The following C6orf89 variants were observed in gnomAD, a reference collection of about 807,000 sequenced individuals.
C6orf89 encodes the protein bombesin receptor-activated protein C6orf89.
A neutral mutation model predicts 40.7 loss-of-function variants in C6orf89; 29 were observed. The ratio of observed to expected loss-of-function variants is 0.71; its 90% confidence interval spans 0.53 to 0.97. C6orf89 has a LOEUF of 0.97. Ranked by LOEUF, C6orf89 falls within the 50% of genes least tolerant of loss-of-function variation. The probability of loss-of-function intolerance (pLI) is 0.00; values close to 1 mark genes in which losing one functional copy is unlikely to be tolerated. For synonymous variants in C6orf89, 165 were observed against 152.2 expected, an observed-to-expected ratio of 1.08 and a Z score of -0.62; for missense variants, 392 against 429.1, an observed-to-expected ratio of 0.91 and a Z score of 0.76.
At chr6:36,874,156 T>C (rs1774582309) in intron 1 of C6orf89, among the ~76,000 whole-genome samples, 1 of 152,208 alleles carries the variant, frequency 6.6e-6, no homozygotes, top group Non-Finnish European at 1.5e-5. Flanking sequence ...AGTTAAATAA[T>C]ACCTTCATGA....
chr6:36,919,464 C>A, intron 7 of C6orf89, 114 bp from the exon 8 acceptor site: 1 of 1,288,800 alleles, frequency 7.8e-7, no homozygotes, highest in Non-Finnish European at 1.1e-6. Flanking sequence ...TTCCTCTTTG[C>A]TTATGCTAGG....
At chr6:36,891,510 A>G (rs1437279967) in intron 1 of C6orf89, among the ~76,000 whole-genome samples, 2 of 152,232 alleles carry the variant, frequency 1.3e-5, no homozygotes, top group Non-Finnish European at 2.9e-5. Flanking sequence ...GTATATACCC[A>G]GTAATGGGAT....
At chr6:36,889,548 T>C (rs772508734) in intron 1 of C6orf89, among the ~76,000 whole-genome samples, 8 of 148,076 alleles carry the variant, frequency 5.4e-5, no homozygotes, top group Non-Finnish European at 8.9e-5. Context: ...CTTCTTCAAG[T>C]ATGTCAATGT....
chr6:36,874,871 C>T, intron 1 of C6orf89: 1 of 1,354,672 alleles, frequency 7.4e-7, no homozygotes, highest in African/African-American at 1.4e-5. Context: ...CCGTTCAACC[C>T]TTTCGATACC....
At chr6:36,901,329 T>TC in intron 3 of C6orf89, among the ~76,000 whole-genome samples, 1 of 45,508 alleles carries the variant, frequency 2.2e-5, no homozygotes, top group East Asian at 7.9e-4. Flanking sequence ...TTATTTTTTT[T>TC]TTTTTTTTTT....
upstream of C6orf89, among the ~76,000 whole-genome samples, chr6:36,882,685 T>C (rs550241384): frequency 6.6e-6 from 1 of 151,902 alleles, no homozygotes; most frequent in Non-Finnish European, 1.5e-5. Flanking sequence ...TAAACATTTA[T>C]AAAGAGATTT....
intron 2 of C6orf89, among the ~76,000 whole-genome samples, chr6:36,879,816 A>G (rs1774756286): frequency 6.6e-6 from 1 of 152,140 alleles, no homozygotes; most frequent in Admixed American, 6.5e-5. Context: ...ACGTGGCAGT[A>G]CTTTCTCTTG....
intron 8 of C6orf89, among the ~76,000 whole-genome samples, chr6:36,921,145 C>T (rs1762496422): frequency 6.6e-6 from 1 of 151,854 alleles, no homozygotes; most frequent in South Asian, 2.1e-4. Context: ...CTATAAAAGG[C>T]CAGTCACATG....
intron 3 of C6orf89, among the ~76,000 whole-genome samples, 189 bp from the exon 4 acceptor site, chr6:36,902,032 C>T (rs1431353514): frequency 6.6e-6 from 1 of 152,168 alleles, no homozygotes; most frequent in South Asian, 2.1e-4. Flanking sequence ...CTTGGTGAGC[C>T]TTGCAGTCCC....
chr6:36,876,323 G>A (rs1774650377), intron 1 of C6orf89, among the ~76,000 whole-genome samples: 1 of 152,190 alleles, frequency 6.6e-6, no homozygotes, highest in Non-Finnish European at 1.5e-5. Flanking sequence ...TGAGGAGACA[G>A]AGATGAGTCT....
intron 7 of C6orf89, among the ~76,000 whole-genome samples, chr6:36,918,858 G>T (rs1762414234): frequency 6.6e-6 from 1 of 152,204 alleles, no homozygotes; most frequent in Non-Finnish European, 1.5e-5. Context: ...CCTGTTGCTG[G>T]CAGTATCATG....
At chr6:36,879,515 T>C (rs1426752087) in intron 2 of C6orf89, among the ~76,000 whole-genome samples, 2 of 152,116 alleles carry the variant, frequency 1.3e-5, no homozygotes, top group African/African-American at 4.8e-5. Flanking sequence ...TTTTGGCTTC[T>C]CTCTCTCTGT....
At chr6:36,905,895 C>T (rs1015187038) in intron 4 of C6orf89, among the ~76,000 whole-genome samples, 1 of 152,174 alleles carries the variant, frequency 6.6e-6, no homozygotes, top group African/African-American at 2.4e-5. Flanking sequence ...GGCAAAATCA[C>T]ACTTGAACCC....
At chr6:36,903,017 A>G (rs1761780938) in intron 4 of C6orf89, among the ~76,000 whole-genome samples, 1 of 152,250 alleles carries the variant, frequency 6.6e-6, no homozygotes, top group African/African-American at 2.4e-5. Context: ...TCGGTGGCAT[A>G]AGAATTCATA....
chr6:36,916,424 TTC>T lies in C6orf89; in HGVS notation c.696-19_696-18del, dbSNP rs754715762. 201 of 1,613,182 alleles carry T rather than the reference TTC, an allele frequency of 1.2e-4. No homozygotes were observed. Among genetic ancestry groups the T allele is most frequent in the Non-Finnish European group, 3.1e-5 (37 of 1,179,316 alleles). ...GGCTTGACCAGTTTAATTACTTTTTTTCTGTTTCATACTTCTACAGGAGGAGA... is the reference window on the plus strand; with the variant it reads ...GGCTTGACCAGTTTAATTACTTTTTTTGTTTCATACTTCTACAGGAGGAGA... On this transcript the variant is annotated intron_variant, in intron 6 of 8. Transcript: ENST00000480824.
At position 36,889,197 on chromosome 6, in the gene C6orf89, G is replaced by A. The variant is rs79419076; in HGVS notation, c.-120+3169G>A. Reference sequence around the variant, plus strand: ...CTTGAGGGAGATAGATAATGGGGTAGCAACAGCAGCTGCTGCAGAGAGGTC... The same window carrying A: ...CTTGAGGGAGATAGATAATGGGGTAACAACAGCAGCTGCTGCAGAGAGGTC... On this transcript the variant is annotated intron_variant, in intron 1 of 8. Coordinates refer to ENST00000480824, the MANE Select transcript of C6orf89 (RefSeq NM_001286635.2). Among the ~76,000 whole-genome samples the A allele has an allele frequency of 6.6e-4, 101 of 152,274 alleles. 3 individuals carry two copies. In the East Asian group the frequency reaches 0.018, roughly 27 times the overall value.
At chr6:36,908,986 T>C (rs905908398) in intron 4 of C6orf89, among the ~76,000 whole-genome samples, 2 of 152,190 alleles carry the variant, frequency 1.3e-5, no homozygotes, top group African/African-American at 2.4e-5. Context: ...TCAGGGCTCA[T>C]CCTACTTCAG....
upstream of C6orf89, among the ~76,000 whole-genome samples, chr6:36,883,913 A>G (rs1390926584): frequency 1.3e-5 from 2 of 152,232 alleles, no homozygotes; most frequent in Non-Finnish European, 2.9e-5. Context: ...ACAGAAAAGT[A>G]CCTGTGCAGC....
At chr6:36,914,854 G>A (rs538837502) in intron 6 of C6orf89, among the ~76,000 whole-genome samples, 161 bp downstream of exon 6, 2 of 152,318 alleles carry the variant, frequency 1.3e-5, no homozygotes, top group Admixed American at 6.5e-5. Context: ...GCCAGGTATG[G>A]TGGTGCATGC....
Sources: allele counts gnomAD v4.1 joint callset (sites outside exome capture counted in the v4.1 genomes callset), GRCh38; gene constraint gnomAD v4.1.1; transcripts MANE v1.5; gene names NCBI Gene and HGNC (gene_info 2026-07-23, HGNC 2026-07-21).